MAGI2: variants seen among roughly 807,000 people sequenced by gnomAD.
MAGI2 encodes membrane-associated guanylate kinase, WW and PDZ domain-containing protein 2.
In MAGI2, 35 loss-of-function variants were observed where a neutral mutation model predicts 133.3. The observed-to-expected ratio is 0.26, with a 90% CI of 0.20 to 0.35. The LOEUF (loss-of-function observed/expected upper bound fraction) is 0.35. Ranked by LOEUF, MAGI2 falls within the 10% of genes least tolerant of loss-of-function variation. MAGI2 has a pLI of 1.00. For missense variants in MAGI2, 1,636 were observed against 1,863.4 expected (o/e 0.88, Z 2.25); for synonymous variants, 729 against 710.6 (o/e 1.03, Z -0.41).
intron 2 of MAGI2, among the ~76,000 whole-genome samples, chr7:78,686,697 A>C (rs750175504): frequency 5.3e-5 from 8 of 152,198 alleles, no homozygotes; most frequent in Non-Finnish European, 1.2e-4. Flanking sequence ...AGCTGAGTGC[A>C]TATTTCTGAA....
In MAGI2 at chr7:78,857,487, CT is replaced by C. The variant is rs547718339; in HGVS notation, c.418+149602del. On this transcript the variant is annotated intron_variant, in intron 2 of 21. Transcript: ENST00000354212. ...AGAGGTGTCGAATTTTGTTGAAGGC[CT>C]TTTCTGCATCTATTGAGATAATCAT... Among the ~76,000 whole-genome samples the C allele has an allele frequency of 1.2e-3, 189 of 152,186 alleles. 2 individuals carry two copies. Among genetic ancestry groups the C allele is most frequent in the African/African-American group, 4.3e-3 (178 of 41,504 alleles).
At chr7:78,683,111 T>C (rs1172249625) in intron 2 of MAGI2, among the ~76,000 whole-genome samples, 1 of 152,044 alleles carries the variant, frequency 6.6e-6, no homozygotes. Flanking sequence ...AAAAATGCAA[T>C]GGTGATAAAG....
At chr7:79,251,393 A>G (rs936837936) in intron 1 of MAGI2, among the ~76,000 whole-genome samples, 11 of 152,144 alleles carry the variant, frequency 7.2e-5, no homozygotes, top group African/African-American at 2.7e-4. Context: ...TCTATAGAAA[A>G]AAACTCATAA....
At chr7:78,929,403 A>G (rs1409013730) in intron 2 of MAGI2, among the ~76,000 whole-genome samples, 1 of 152,086 alleles carries the variant, frequency 6.6e-6, no homozygotes, top group African/African-American at 2.4e-5. Context: ...AATTACTAAA[A>G]AAGTGATAGC....
At chr7:79,048,431 T>G (rs1406083153) in intron 1 of MAGI2, among the ~76,000 whole-genome samples, 1 of 152,228 alleles carries the variant, frequency 6.6e-6, no homozygotes, top group Non-Finnish European at 1.5e-5. Context: ...TTTTTATTTC[T>G]GCATGTTTTA....
chr7:78,274,994 A>G (rs2150995655), intron 9 of MAGI2, among the ~76,000 whole-genome samples: 1 of 95,094 alleles, frequency 1.1e-5, no homozygotes, highest in Admixed American at 1.2e-4. Flanking sequence ...CTGGGGTATG[A>G]AAAAAAAAAC....
intron 10 of MAGI2, among the ~76,000 whole-genome samples, chr7:78,207,665 T>C (rs1787234869): frequency 6.6e-6 from 1 of 152,198 alleles, no homozygotes; most frequent in Non-Finnish European, 1.5e-5. Context: ...ATAATTTGTT[T>C]AAGCTGCTCG....
chr7:79,120,785 A>G (rs910073979), intron 1 of MAGI2, among the ~76,000 whole-genome samples: 1 of 152,080 alleles, frequency 6.6e-6, no homozygotes, highest in Non-Finnish European at 1.5e-5. Context: ...TAATGTTTAT[A>G]TTATGTAATT....
chr7:78,221,913 TG>T (rs886086438), intron 10 of MAGI2, among the ~76,000 whole-genome samples: 4 of 151,718 alleles, frequency 2.6e-5, no homozygotes, highest in Non-Finnish European at 4.4e-5. Context: ...AGCTGGGCAT[TG>T]TGGTGTGTGC....
At chr7:78,850,998 T>C (rs1793080144) in intron 2 of MAGI2, among the ~76,000 whole-genome samples, 1 of 152,124 alleles carries the variant, frequency 6.6e-6, no homozygotes, top group African/African-American at 2.4e-5. Flanking sequence ...TTTTTGATTG[T>C]CTCAGTACAC....
chr7:78,693,098 C>T (rs989467261), intron 2 of MAGI2, among the ~76,000 whole-genome samples: 1 of 152,098 alleles, frequency 6.6e-6, no homozygotes, highest in African/African-American at 2.4e-5. Flanking sequence ...GAAAAGTGCG[C>T]CTCTAGAGAC....
intron 2 of MAGI2, among the ~76,000 whole-genome samples, chr7:78,748,526 C>T (rs1460119356): frequency 6.6e-6 from 1 of 152,192 alleles, no homozygotes; most frequent in South Asian, 2.1e-4. Flanking sequence ...ACCCAAGTGA[C>T]AGCAAATCTA....
intron 16 of MAGI2, among the ~76,000 whole-genome samples, chr7:78,142,431 C>T (rs931527148): frequency 4.6e-5 from 7 of 152,124 alleles, no homozygotes; most frequent in Non-Finnish European, 1.0e-4. Flanking sequence ...CAATCCTTTT[C>T]TCTGTGGGTG....
At chr7:78,464,458 C>G (rs181877433) in intron 6 of MAGI2, among the ~76,000 whole-genome samples, 1 of 152,062 alleles carries the variant, frequency 6.6e-6, no homozygotes, top group Non-Finnish European at 1.5e-5. Flanking sequence ...TGCTCATATC[C>G]CCCTATACCT....
intron 18 of MAGI2, among the ~76,000 whole-genome samples, chr7:78,131,076 C>T (rs1012469624): frequency 2.0e-5 from 3 of 152,190 alleles, no homozygotes; most frequent in Non-Finnish European, 4.4e-5. Context: ...TCGACAGTGG[C>T]AAGAAGAGTC....
chr7:78,328,532 C>CCCTCTCT (rs1554346587), intron 9 of MAGI2, among the ~76,000 whole-genome samples: 39 of 133,786 alleles, frequency 2.9e-4, no homozygotes, highest in Admixed American at 9.8e-4. Flanking sequence ...CACACACACC[C>CCCTCTCT]CTCTCTCTCT....
intron 2 of MAGI2, among the ~76,000 whole-genome samples, chr7:78,713,753 T>G (rs1435763326): frequency 6.6e-6 from 1 of 152,172 alleles, no homozygotes; most frequent in East Asian, 1.9e-4. Context: ...CTATGTTGAT[T>G]CAGTATATAG....
intron 6 of MAGI2, among the ~76,000 whole-genome samples, chr7:78,434,789 CT>C (rs1800124168): frequency 6.6e-6 from 1 of 151,994 alleles, no homozygotes; most frequent in Non-Finnish European, 1.5e-5. Context: ...GATATATCAA[CT>C]CTTGCAGAAG....
intron 2 of MAGI2, among the ~76,000 whole-genome samples, chr7:78,809,092 G>A (rs1222357613): frequency 6.6e-6 from 1 of 152,112 alleles, no homozygotes. Flanking sequence ...ATTTGTCTTC[G>A]TTTGCAAGTG....
Sources: allele counts gnomAD v4.1 joint callset (sites outside exome capture counted in the v4.1 genomes callset), GRCh38; gene constraint gnomAD v4.1.1; transcripts MANE v1.5; gene names NCBI Gene and HGNC (gene_info 2026-07-23, HGNC 2026-07-21).